EBF1: variants seen among roughly 807,000 people sequenced by gnomAD.
EBF1 encodes the protein EBF transcription factor 1.
EBF1 carries 10 observed loss-of-function variants against 68.4 expected under a neutral mutation model. The ratio of observed to expected loss-of-function variants is 0.15; its 90% CI spans 0.09 to 0.25. The LOEUF is 0.25. Ranked by LOEUF, EBF1 falls within the 10% of genes least tolerant of loss-of-function variation. The probability of loss-of-function intolerance (pLI) is 1.00; values close to 1 mark genes in which losing one functional copy is unlikely to be tolerated. For missense variants in EBF1, 509 were observed against 794.4 expected, an observed-to-expected ratio of 0.64 and a Z score of 4.32; for synonymous variants, 298 against 299.8, an observed-to-expected ratio of 0.99 and a Z score of 0.06.
rs60535761 is a variant in EBF1 at position 158,902,595 on chromosome 5, T to TTTATTA, written c.555-62491_555-62486dup. On this transcript the variant is annotated intron_variant, in intron 6 of 15. Transcript: ENST00000313708. ...GCATGCACCACCACACCTGAATAAT[T>TTTATTA]TTATTATTATTATTATTATTATTAT... 2.6e-3 allele frequency among the ~76,000 whole-genome samples: 383 copies of TTTATTA among 147,168 alleles called. 1 individual carries two copies. Among genetic ancestry groups the TTTATTA allele is most frequent in the African/African-American group, 5.8e-3 (232 of 39,894 alleles).
chr5:159,089,014 C>T (rs960111471), intron 4 of EBF1, among the ~76,000 whole-genome samples: 5 of 152,086 alleles, frequency 3.3e-5, no homozygotes, highest in Non-Finnish European at 5.9e-5. Flanking sequence ...CTCATCTCAA[C>T]TTTAAAAACC....
At chr5:158,829,949 G>A (rs996828865) in intron 7 of EBF1, among the ~76,000 whole-genome samples, 6 of 152,184 alleles carry the variant, frequency 3.9e-5, no homozygotes, top group African/African-American at 9.7e-5. Flanking sequence ...GGAAACTCTG[G>A]TTATCTCATC....
chr5:158,817,807 G>A (rs1473057578), intron 8 of EBF1, among the ~76,000 whole-genome samples: 1 of 152,124 alleles, frequency 6.6e-6, no homozygotes, highest in Non-Finnish European at 1.5e-5. Flanking sequence ...TGAAGACAAG[G>A]ACTGAGTCTG....
At chr5:158,799,392 AGACAG>A (rs1780171841) in intron 8 of EBF1, among the ~76,000 whole-genome samples, 2 of 151,638 alleles carry the variant, frequency 1.3e-5, no homozygotes, top group Admixed American at 1.3e-4. Context: ...ACTGTACTCC[AGACAG>A]AGTGAGACTC....
chr5:158,905,243 C>T (rs915144262), intron 6 of EBF1, among the ~76,000 whole-genome samples: 6 of 152,204 alleles, frequency 3.9e-5, no homozygotes, highest in Non-Finnish European at 5.9e-5. Flanking sequence ...CCCAACCATC[C>T]TCAAAATGTA....
In EBF1 at chr5:158,819,737, C is replaced by T. The variant is rs529137532; in HGVS notation, c.778+3439G>A. Among the ~76,000 whole-genome samples the T allele has an allele frequency of 3.9e-5, 6 of 152,290 alleles. No individual in the cohort carries two copies. In the South Asian group the frequency reaches 8.3e-4, roughly 21 times the overall value. ...TACATTTTGAGGCTGCCTGTCTCCACGACTGTACATCTTCCATAAAGCTAT... is the reference window on the plus strand; with the variant it reads ...TACATTTTGAGGCTGCCTGTCTCCATGACTGTACATCTTCCATAAAGCTAT... On this transcript the variant is annotated intron_variant, in intron 8 of 15. Transcript: ENST00000313708.
intron 6 of EBF1, among the ~76,000 whole-genome samples, chr5:158,992,382 T>C (rs1203231785): frequency 1.3e-5 from 2 of 152,142 alleles, no homozygotes; most frequent in African/African-American, 4.8e-5. Context: ...TATGAATGTG[T>C]ATCTTGTGAA....
chr5:158,823,894 C>CA (rs1285231122), intron 7 of EBF1, among the ~76,000 whole-genome samples: 2 of 151,306 alleles, frequency 1.3e-5, no homozygotes, highest in Non-Finnish European at 2.9e-5. Context: ...CACCCCACCC[C>CA]AAAAAATTCC....
At chr5:158,827,254 A>C (rs895825637) in intron 7 of EBF1, among the ~76,000 whole-genome samples, 1 of 152,204 alleles carries the variant, frequency 6.6e-6, no homozygotes, top group Non-Finnish European at 1.5e-5. Context: ...CATACACTGT[A>C]ATTTTAAATA....
rs1189625884 is a variant in EBF1 at position 159,099,802 on chromosome 5, CTTTTTTTTTTTTTTTGCTTTTTTT to C, written c.-348_-325del. ...GGTTGGTTGATTTTTGGTTTGGGTG[CTTTTTTTTTTTTTTTGCTTTTTTT>C]TTTTTTTTTTTGTAATGATCACAGG... On this transcript the variant is annotated 5_prime_UTR_variant, in exon 1 of 16. Coordinates refer to ENST00000313708, the MANE Select transcript of EBF1 (RefSeq NM_024007.5). 3 of 40,726 alleles carry C rather than the reference CTTTTTTTTTTTTTTTGCTTTTTTT, an allele frequency of 7.4e-5. No homozygotes were observed. In the East Asian group the frequency reaches 1.9e-3, roughly 26 times the overall value. The allele number at this position is 40,726 out of a possible 1,614,324, so 2.5% of individuals were successfully genotyped here.
intron 5 of EBF1, among the ~76,000 whole-genome samples, chr5:159,081,610 C>A (rs1561971019): frequency 6.6e-6 from 1 of 152,062 alleles, no homozygotes; most frequent in Non-Finnish European, 1.5e-5. Flanking sequence ...TCAGAATAAG[C>A]CAGTAACAGA....
At chr5:159,068,944 CA>C (rs1777333320) in intron 6 of EBF1, among the ~76,000 whole-genome samples, 1 of 151,944 alleles carries the variant, frequency 6.6e-6, no homozygotes. Context: ...GCCTACATCC[CA>C]TAGCCATACA....
chr5:159,056,403 G>C (rs888999623), intron 6 of EBF1, among the ~76,000 whole-genome samples: 1 of 152,122 alleles, frequency 6.6e-6, no homozygotes, highest in Admixed American at 6.6e-5. Flanking sequence ...CAGTACAGAA[G>C]CTGCCAACTC....
At chr5:159,059,998 G>T (rs922478624) in intron 6 of EBF1, among the ~76,000 whole-genome samples, 1 of 152,114 alleles carries the variant, frequency 6.6e-6, no homozygotes, top group Non-Finnish European at 1.5e-5. Flanking sequence ...TCAAATTTGA[G>T]TGACTAGAAA....
intron 6 of EBF1, among the ~76,000 whole-genome samples, chr5:158,871,272 A>G (rs1235138502): frequency 6.6e-6 from 1 of 152,234 alleles, no homozygotes; most frequent in African/African-American, 2.4e-5. Context: ...TTAAGACATT[A>G]AAACCAAATG....
intron 6 of EBF1, among the ~76,000 whole-genome samples, chr5:159,008,801 T>C (rs1764082128): frequency 1.3e-5 from 2 of 152,216 alleles, no homozygotes; most frequent in South Asian, 4.1e-4. Flanking sequence ...CCTCCCAAAG[T>C]GCTGGGATTA....
intron 6 of EBF1, among the ~76,000 whole-genome samples, chr5:158,946,212 G>C (rs975125810): frequency 1.3e-5 from 2 of 152,124 alleles, no homozygotes; most frequent in East Asian, 3.9e-4. Flanking sequence ...TCTCCATCCT[G>C]TTTTGTTCCC....
chr5:158,710,655 A>G (rs373834219), intron 14 of EBF1, among the ~76,000 whole-genome samples: 21 of 152,238 alleles, frequency 1.4e-4, no homozygotes, highest in African/African-American at 5.1e-4. Flanking sequence ...TTGAGCAGAA[A>G]AATTCACCCA....
intron 6 of EBF1, among the ~76,000 whole-genome samples, chr5:159,010,950 C>A (rs1363492659): frequency 6.6e-6 from 1 of 152,228 alleles, no homozygotes; most frequent in Non-Finnish European, 1.5e-5. Flanking sequence ...AAGGAAGTTA[C>A]AACTTAAAGT....
Sources: allele counts gnomAD v4.1 joint callset (sites outside exome capture counted in the v4.1 genomes callset), GRCh38; gene constraint gnomAD v4.1.1; transcripts MANE v1.5; gene names NCBI Gene and HGNC (gene_info 2026-07-23, HGNC 2026-07-21).